MALRD1: variants seen among roughly 807,000 people sequenced by gnomAD.
MALRD1 encodes the protein MAM and LDL-receptor class A domain-containing protein 1.
MALRD1 carries 247 observed loss-of-function variants against 242.1 expected under a neutral mutation model. The observed-to-expected ratio is 1.02, with a 90% CI of 0.92 to 1.13. MALRD1 has a LOEUF of 1.13. MALRD1 is among the 50% of genes most tolerant of loss of function. MALRD1 has a pLI of 0.00. For synonymous variants in MALRD1, 995 were observed against 866.6 expected, an observed-to-expected ratio of 1.15 and a Z score of -2.60; for missense variants, 2,989 against 2,533.1, an observed-to-expected ratio of 1.18 and a Z score of -3.86.
intron 32 of MALRD1, among the ~76,000 whole-genome samples, chr10:19,554,849 G>A (rs1307208837): frequency 1.3e-5 from 2 of 151,772 alleles, no homozygotes; most frequent in African/African-American, 4.8e-5. Context: ...GCTACTGTAT[G>A]CACATATGCA....
At chr10:19,552,331 T>C (rs1329121529) in intron 32 of MALRD1, among the ~76,000 whole-genome samples, 2 of 152,138 alleles carry the variant, frequency 1.3e-5, no homozygotes, top group Non-Finnish European at 2.9e-5. Flanking sequence ...TTTATCAGTT[T>C]CTTCTAGATT....
intron 31 of MALRD1, among the ~76,000 whole-genome samples, chr10:19,505,379 C>T (rs528579383): frequency 2.0e-4 from 30 of 152,058 alleles, no homozygotes; most frequent in Admixed American, 1.8e-3. Context: ...AGTCTTAGTT[C>T]AATAGGACTG....
At chr10:19,231,082 T>A (rs994922251) in intron 18 of MALRD1, among the ~76,000 whole-genome samples, 3 of 152,154 alleles carry the variant, frequency 2.0e-5, no homozygotes, top group African/African-American at 7.2e-5. Context: ...GAATTTATTC[T>A]CAGGAGATCT....
chr10:19,571,946 T>A (rs73595847), intron 33 of MALRD1, among the ~76,000 whole-genome samples: 4,301 of 152,222 alleles, frequency 0.028, 180 homozygotes, highest in African/African-American at 0.097. Context: ...AATGGCAAAC[T>A]CTCAACTTCA....
At chr10:19,324,278 G>A (rs1843024863) in intron 22 of MALRD1, among the ~76,000 whole-genome samples, 173 bp downstream of exon 22, 1 of 152,136 alleles carries the variant, frequency 6.6e-6, no homozygotes, top group East Asian at 1.9e-4. Flanking sequence ...GACATGAATA[G>A]CTAATAAGTA....
chr10:19,069,621 T>C (rs1835080519), intron 2 of MALRD1, among the ~76,000 whole-genome samples: 1 of 151,990 alleles, frequency 6.6e-6, no homozygotes, highest in Admixed American at 6.6e-5. Context: ...AAAATGTTTT[T>C]ATTTTGCCTT....
At chr10:19,672,878 GA>G (rs1841988136) in intron 36 of MALRD1, among the ~76,000 whole-genome samples, 1 of 152,096 alleles carries the variant, frequency 6.6e-6, no homozygotes, top group African/African-American at 2.4e-5. Context: ...TCATTAATAG[GA>G]AAACAGTTTT....
At chr10:19,345,761 T>C (rs1237178950) in intron 24 of MALRD1, among the ~76,000 whole-genome samples, 1 of 96,166 alleles carries the variant, frequency 1.0e-5, no homozygotes, top group East Asian at 2.7e-4. Context: ...CTTGAAGTAA[T>C]CTTTTTTTTT....
At chr10:19,324,226 AGATT>A in intron 22 of MALRD1, 121 bp downstream of exon 22, 2 of 962,848 alleles carry the variant, frequency 2.1e-6, no homozygotes, top group Non-Finnish European at 3.0e-6. Context: ...ACACTTCACT[AGATT>A]TATAGTGGTA....
chr10:19,604,030 A>G (rs1216990771), intron 34 of MALRD1, among the ~76,000 whole-genome samples: 1 of 152,148 alleles, frequency 6.6e-6, no homozygotes, highest in African/African-American at 2.4e-5. Flanking sequence ...GAAAGGAGGA[A>G]ATGCAGATCT....
At chr10:19,713,121 T>G (rs1474155763) in intron 38 of MALRD1, among the ~76,000 whole-genome samples, 1 of 152,140 alleles carries the variant, frequency 6.6e-6, no homozygotes, top group East Asian at 1.9e-4. Context: ...TTCTTCTACC[T>G]TCTTCCTTCT....
intron 36 of MALRD1, among the ~76,000 whole-genome samples, chr10:19,628,279 C>T (rs1459159576): frequency 3.3e-5 from 5 of 152,062 alleles, no homozygotes; most frequent in African/African-American, 4.8e-5. Context: ...TTAATATACA[C>T]GTTCCTTAAT....
At chr10:19,231,266 C>G (rs1047845124) in intron 18 of MALRD1, among the ~76,000 whole-genome samples, 1 of 152,172 alleles carries the variant, frequency 6.6e-6, no homozygotes, top group Admixed American at 6.5e-5. Context: ...TTGTGACTGC[C>G]TCACATCTCA....
chr10:19,251,642 T>C lies in MALRD1; in HGVS notation c.2992-6042T>C, dbSNP rs570919838. On this transcript the variant is annotated intron_variant, in intron 18 of 39. Coordinates refer to ENST00000454679, the MANE Select transcript of MALRD1 (RefSeq NM_001142308.3). ...CCAAGTAGGGTAAAATATCAGGCCC[T>C]TCATGCTTTCTGATTTGAACTGTGC... Among the ~76,000 whole-genome samples the C allele has an allele frequency of 1.2e-4, 19 of 152,108 alleles. No individual in the cohort carries two copies. The South Asian group carries it at 3.5e-3, about 28-fold the overall frequency.
chr10:19,247,516 A>T (rs1410236361), intron 18 of MALRD1, among the ~76,000 whole-genome samples: 1 of 151,906 alleles, frequency 6.6e-6, no homozygotes, highest in Non-Finnish European at 1.5e-5. Context: ...GTTAAATTAT[A>T]GATTTTGATG....
intron 5 of MALRD1, among the ~76,000 whole-genome samples, chr10:19,114,463 C>T (rs1233197982): frequency 3.9e-5 from 6 of 152,084 alleles, no homozygotes; most frequent in African/African-American, 9.6e-5. Context: ...ATGGTGAAAC[C>T]CCATCTCTAC....
intron 36 of MALRD1, among the ~76,000 whole-genome samples, chr10:19,688,562 T>C (rs1350805080): frequency 6.6e-6 from 1 of 152,140 alleles, no homozygotes; most frequent in Non-Finnish European, 1.5e-5. Flanking sequence ...TGCCCAGCCC[T>C]AATGATTCTT....
At chr10:19,637,444 C>T (rs1840187512) in intron 36 of MALRD1, among the ~76,000 whole-genome samples, 1 of 152,122 alleles carries the variant, frequency 6.6e-6, no homozygotes, top group South Asian at 2.1e-4. Flanking sequence ...GATTAATTGT[C>T]ACCAGGTAAA....
chr10:19,690,821 A>G (rs920471939), intron 36 of MALRD1, among the ~76,000 whole-genome samples: 4 of 152,006 alleles, frequency 2.6e-5, no homozygotes, highest in African/African-American at 7.2e-5. Flanking sequence ...AGGTAGGTAG[A>G]TAGATAGACA....
Sources: allele counts gnomAD v4.1 joint callset (sites outside exome capture counted in the v4.1 genomes callset), GRCh38; gene constraint gnomAD v4.1.1; transcripts MANE v1.5; gene names NCBI Gene and HGNC (gene_info 2026-07-23, HGNC 2026-07-21).